The following UBE2D3 variants were observed in gnomAD, a reference collection of about 807,000 sequenced individuals.
UBE2D3 encodes the protein ubiquitin-conjugating enzyme E2 D3.
A neutral mutation model predicts 22.8 loss-of-function variants in UBE2D3; 2 were observed. That is an observed-to-expected ratio of 0.09 (90% CI 0.04 to 0.28). The LOEUF is 0.28. UBE2D3 is among the 10% of genes least tolerant of loss of function. The probability of loss-of-function intolerance (pLI) is 1.00; values close to 1 mark genes in which losing one functional copy is unlikely to be tolerated. For missense variants in UBE2D3, 27 were observed against 182.5 expected (o/e 0.15, Z 4.91); for synonymous variants, 56 against 60.4 (o/e 0.93, Z 0.34).
At chr4:102,857,003 T>C (rs1002056082) in intron 1 of UBE2D3, among the ~76,000 whole-genome samples, 8 of 152,322 alleles carry the variant, frequency 5.3e-5, no homozygotes, top group South Asian at 2.1e-4. Context: ...GTTGTCAAAA[T>C]TGATAGAACT....
intron 7 of UBE2D3, among the ~76,000 whole-genome samples, chr4:102,798,066 G>A (rs1397934857): frequency 6.6e-6 from 1 of 151,632 alleles, no homozygotes; most frequent in Admixed American, 6.6e-5. Context: ...CTTTTAATAA[G>A]TGTGGTAACT....
At chr4:102,819,388 ATATT>A (rs1729233472) in intron 2 of UBE2D3, among the ~76,000 whole-genome samples, 1 of 152,108 alleles carries the variant, frequency 6.6e-6, no homozygotes, top group South Asian at 2.1e-4. Context: ...AATACTAAAA[ATATT>A]TATTCACAAA....
intron 2 of UBE2D3, chr4:102,811,053 T>C (rs1031892304): frequency 6.6e-6 from 1 of 152,104 alleles, no homozygotes; most frequent in East Asian, 1.9e-4. Context: ...GGGATTCCAT[T>C]TGAACAGCAG....
At chr4:102,826,861 C>G in intron 1 of UBE2D3, 1 of 1,118,994 alleles carries the variant, frequency 8.9e-7, no homozygotes, top group Middle Eastern at 3.8e-4. Flanking sequence ...AGGAAGAGAC[C>G]CGGGTGGGAG....
intron 1 of UBE2D3, among the ~76,000 whole-genome samples, chr4:102,868,428 A>G (rs984056903): frequency 1.3e-5 from 2 of 152,206 alleles, no homozygotes; most frequent in African/African-American, 2.4e-5. Context: ...CTAAGGAAGG[A>G]CTACTACGAA....
intron 1 of UBE2D3, among the ~76,000 whole-genome samples, chr4:102,834,267 G>C (rs978866781): frequency 6.6e-6 from 1 of 152,220 alleles, no homozygotes; most frequent in Admixed American, 6.5e-5. Flanking sequence ...TACACACTCT[G>C]TTAAGTTTTC....
At chr4:102,818,011 A>G (rs1336622158) in intron 2 of UBE2D3, among the ~76,000 whole-genome samples, 1 of 152,220 alleles carries the variant, frequency 6.6e-6, no homozygotes, top group Non-Finnish European at 1.5e-5. Context: ...GAAGAGGAAC[A>G]GTGCCAAGAA....
At chr4:102,822,358 G>C (rs1729751235) in intron 2 of UBE2D3, among the ~76,000 whole-genome samples, 1 of 152,172 alleles carries the variant, frequency 6.6e-6, no homozygotes. Context: ...ATGCAAGACA[G>C]TTTACCCAGC....
At chr4:102,831,436 CACACAAAA>C (rs1731110487), upstream of UBE2D3, among the ~76,000 whole-genome samples, 1 of 152,188 alleles carries the variant, frequency 6.6e-6, no homozygotes, top group African/African-American at 2.4e-5. Context: ...AGCATTTTTC[CACACAAAA>C]ACATATATAT....
intron 1 of UBE2D3, among the ~76,000 whole-genome samples, chr4:102,866,805 T>A (rs1213586955): frequency 1.3e-5 from 2 of 152,110 alleles, no homozygotes; most frequent in Non-Finnish European, 2.9e-5. Flanking sequence ...CTTTTCCAGA[T>A]TTTCTTTTCC....
At chr4:102,828,175 T>A, upstream of UBE2D3, 4 of 985,262 alleles carry the variant, frequency 4.1e-6, no homozygotes, top group Non-Finnish European at 4.8e-6. Context: ...GAAATGGAAT[T>A]CCCCAGACTG....
At chr4:102,823,109 T>C (rs866183888) in intron 2 of UBE2D3, among the ~76,000 whole-genome samples, 1 of 152,180 alleles carries the variant, frequency 6.6e-6, no homozygotes, top group South Asian at 2.1e-4. Flanking sequence ...GTCTTGAGGA[T>C]TAAATGAGTT....
At chr4:102,861,226 G>A (rs1265248801) in intron 1 of UBE2D3, among the ~76,000 whole-genome samples, 1 of 151,852 alleles carries the variant, frequency 6.6e-6, no homozygotes, top group African/African-American at 2.4e-5. Flanking sequence ...AAGTGAAACT[G>A]TTTTTCTTAC....
At position 102,795,896 on chromosome 4, in the gene UBE2D3, A is replaced by C. The variant is rs1294670427; in HGVS notation, c.*1519T>G. On this transcript the variant is annotated 3_prime_UTR_variant, in exon 8 of 8. Transcript: ENST00000453744. ...GTAAAACTATGGGATCAGAATTAGG[A>C]AAGGTGAAGAATGGTAATGCCCTTG... 1 of 152,452 alleles carries C rather than the reference A, an allele frequency of 6.6e-6. No homozygotes were observed. The highest frequency in any genetic ancestry group is 1.5e-5 in the Non-Finnish European group (1 of 67,906). 9.4% of individuals were successfully genotyped at this position (152,452 alleles called of 1,614,324 possible).
Position 102,857,446 on chromosome 4 carries a change from A to T in UBE2D3, c.-129+11269T>A, listed in dbSNP as rs576397172. Among the ~76,000 whole-genome samples, 3 of 152,342 alleles carry T rather than the reference A, an allele frequency of 2.0e-5. No homozygotes were observed. The South Asian group carries it at 6.2e-4, about 32-fold the overall frequency. Reference sequence around the variant, plus strand: ...GAATTTAAAGTTTCTAATATAAAGAAATCATGTGTCAAACATAGTGTTAAT... The same window carrying T: ...GAATTTAAAGTTTCTAATATAAAGATATCATGTGTCAAACATAGTGTTAAT... On this transcript the variant is annotated intron_variant, in intron 1 of 7. Transcript: ENST00000338145.
At chr4:102,856,716 A>C (rs1441440068) in intron 1 of UBE2D3, among the ~76,000 whole-genome samples, 3 of 152,190 alleles carry the variant, frequency 2.0e-5, no homozygotes, top group Non-Finnish European at 4.4e-5. Context: ...TTCTATGTAT[A>C]ATCAAATACA....
chr4:102,845,991 C>G (rs111933497), intron 1 of UBE2D3, among the ~76,000 whole-genome samples: 1,810 of 152,148 alleles, frequency 0.012, 20 homozygotes, highest in African/African-American at 0.036. Context: ...GGGTTTCACC[C>G]TGTTGGCCAG....
At chr4:102,867,993 G>A (rs28379152) in intron 1 of UBE2D3, among the ~76,000 whole-genome samples, 2 of 151,738 alleles carry the variant, frequency 1.3e-5, no homozygotes, top group South Asian at 4.2e-4. Context: ...GTGGCCTAGG[G>A]AAGCCATAAG....
At chr4:102,860,649 A>G (rs997839242) in intron 1 of UBE2D3, among the ~76,000 whole-genome samples, 1 of 151,790 alleles carries the variant, frequency 6.6e-6, no homozygotes, top group African/African-American at 2.4e-5. Context: ...CTTTCTTTCA[A>G]TCTCACAAAG....
Sources: gnomAD v4.1 joint callset for allele counts (sites outside exome capture counted in the v4.1 genomes callset) on GRCh38, gnomAD v4.1.1 for gene constraint, MANE v1.5 for transcripts, NCBI Gene and HGNC (gene_info 2026-07-23, HGNC 2026-07-21) for gene names.